The following HSDL1 variants were observed in gnomAD, a reference collection of about 807,000 sequenced individuals.
HSDL1 encodes inactive hydroxysteroid dehydrogenase-like protein 1.
In HSDL1, 29 loss-of-function variants were observed where a neutral mutation model predicts 31.5. The ratio of observed to expected loss-of-function variants is 0.92; its 90% confidence interval spans 0.69 to 1.26. HSDL1 has a LOEUF of 1.26. Ranked by LOEUF, HSDL1 falls within the 50% of genes most tolerant of loss-of-function variation. The pLI is 0.00. For missense variants in HSDL1, 503 were observed against 416.6 expected (o/e 1.21, Z -1.81); for synonymous variants, 222 against 155.2 (o/e 1.43, Z -3.20).
intron 2 of HSDL1, among the ~76,000 whole-genome samples, chr16:84,133,479 G>T (rs2086686292): frequency 6.6e-6 from 1 of 152,228 alleles, no homozygotes; most frequent in Non-Finnish European, 1.5e-5. Context: ...GGTGGCTCAT[G>T]CCTATAATCC....
At chr16:84,129,072 A>G (rs2086636013) in intron 5 of HSDL1, among the ~76,000 whole-genome samples, 1 of 152,140 alleles carries the variant, frequency 6.6e-6, no homozygotes, top group South Asian at 2.1e-4. Flanking sequence ...TTAAGGTAAT[A>G]ATTTCACAAA....
chr16:84,137,782 T>G (rs1391048692), intron 1 of HSDL1, among the ~76,000 whole-genome samples: 1 of 152,214 alleles, frequency 6.6e-6, no homozygotes, highest in Non-Finnish European at 1.5e-5. Context: ...GCCACCAAAT[T>G]TCAAAAGCTC....
At chr16:84,131,437 G>A (rs552223739) in intron 2 of HSDL1, 110 bp from the exon 3 acceptor site, 44 of 732,486 alleles carry the variant, frequency 6.0e-5, no homozygotes, top group South Asian at 2.0e-4. Context: ...TCAATTGTAC[G>A]TTCAAATAAC....
intron 2 of HSDL1, among the ~76,000 whole-genome samples, chr16:84,132,201 G>T (rs1294978090): frequency 6.6e-6 from 1 of 152,174 alleles, no homozygotes; most frequent in Admixed American, 6.5e-5. Context: ...AATTCATACA[G>T]CAGAGGTACA....
intron 1 of HSDL1, among the ~76,000 whole-genome samples, chr16:84,137,212 T>C (rs917260911): frequency 6.6e-6 from 1 of 152,000 alleles, no homozygotes; most frequent in Non-Finnish European, 1.5e-5. Flanking sequence ...GGTCTTGAAG[T>C]GTGAGCAGAA....
At chr16:84,133,344 A>T (rs1486865847) in intron 2 of HSDL1, among the ~76,000 whole-genome samples, 4 of 152,256 alleles carry the variant, frequency 2.6e-5, no homozygotes, top group Non-Finnish European at 5.9e-5. Flanking sequence ...CGATAAGGAA[A>T]CAATCTCTCT....
At chr16:84,135,230 C>G (rs915252441) in intron 2 of HSDL1, among the ~76,000 whole-genome samples, 12 of 148,100 alleles carry the variant, frequency 8.1e-5, no homozygotes, top group African/African-American at 3.0e-4. Flanking sequence ...GAGACTCCGT[C>G]TCAAAAAAGA....
intron 5 of HSDL1, among the ~76,000 whole-genome samples, chr16:84,126,486 C>G (rs537125622): frequency 4.8e-4 from 73 of 152,120 alleles, no homozygotes; most frequent in Middle Eastern, 3.4e-3. Flanking sequence ...AGGACGCTCC[C>G]CATGTCAAGG....
intron 5 of HSDL1, among the ~76,000 whole-genome samples, chr16:84,128,609 G>A (rs887155656): frequency 6.6e-6 from 1 of 151,952 alleles, no homozygotes. Flanking sequence ...ATTTTTCACT[G>A]AGAGGTAACC....
chr16:84,125,979 T>C (rs1336835959), intron 5 of HSDL1, among the ~76,000 whole-genome samples: 1 of 151,882 alleles, frequency 6.6e-6, no homozygotes, highest in African/African-American at 2.4e-5. Flanking sequence ...GGCGGGAGCC[T>C]GTAGTCCCAG....
chr16:84,125,877 G>A (rs1036888948), intron 5 of HSDL1, among the ~76,000 whole-genome samples: 2 of 152,216 alleles, frequency 1.3e-5, no homozygotes, highest in African/African-American at 2.4e-5. Flanking sequence ...GCCGAGGCGG[G>A]TGGATCATGA....
chr16:84,128,494 T>C lies in HSDL1; in HGVS notation c.894+1054A>G, dbSNP rs549449372. Among the ~76,000 whole-genome samples the C allele has an allele frequency of 9.3e-4, 142 of 152,294 alleles. 2 individuals are homozygous for C. Among genetic ancestry groups the C allele is most frequent in the Admixed American group, 2.5e-3 (38 of 15,288 alleles). ...CAATAAGCTTAAAATAAAAATTCTA[T>C]GCTTCTTGAAAAAATTAGTCTAAGA... On this transcript the variant is annotated intron_variant, in intron 5 of 5. Transcript: ENST00000219439.
rs529580895 is a variant in HSDL1 at position 84,138,380 on chromosome 16, C to G, written c.-68-2775G>C. Among the ~76,000 whole-genome samples, 10 of 152,254 alleles carry G rather than the reference C, an allele frequency of 6.6e-5. No homozygotes were observed. The South Asian group carries it at 1.0e-3, about 16-fold the overall frequency. ...ACTTTCAAATATAAAATGCATACGT[C>G]TGGAGAGCTAATGTACAGTACAGTG... On this transcript the variant is annotated intron_variant, in intron 1 of 5. Coordinates refer to ENST00000219439, the MANE Select transcript of HSDL1 (RefSeq NM_031463.5).
At chr16:84,143,181 G>A (rs1469699191) in intron 1 of HSDL1, among the ~76,000 whole-genome samples, 2 of 152,212 alleles carry the variant, frequency 1.3e-5, no homozygotes, top group Admixed American at 1.3e-4. Context: ...ACAACTGCCA[G>A]AAGGCAGAAA....
At chr16:84,134,741 C>T (rs2086697591) in intron 2 of HSDL1, among the ~76,000 whole-genome samples, 1 of 152,020 alleles carries the variant, frequency 6.6e-6, no homozygotes, top group African/African-American at 2.4e-5. Flanking sequence ...AAACACAAGG[C>T]CATGAGGAAA....
intron 1 of HSDL1, among the ~76,000 whole-genome samples, chr16:84,143,568 A>G (rs989135419): frequency 6.6e-5 from 10 of 152,172 alleles, no homozygotes; most frequent in African/African-American, 2.4e-4. Context: ...CTACTGAGTT[A>G]TACACTGTAA....
chr16:84,144,753 G>A (rs2086824126), intron 1 of HSDL1, among the ~76,000 whole-genome samples: 1 of 149,888 alleles, frequency 6.7e-6, no homozygotes. Flanking sequence ...AGGCCCGGGG[G>A]AAGAGAGAGA....
intron 5 of HSDL1, among the ~76,000 whole-genome samples, chr16:84,126,592 G>A (rs2086609025): frequency 6.6e-6 from 1 of 152,200 alleles, no homozygotes; most frequent in Non-Finnish European, 1.5e-5. Context: ...CTAACACCGT[G>A]TATACGAAAG....
Position 84,124,047 on chromosome 16 carries a change from GT to G in HSDL1, c.*582del, listed in dbSNP as rs2086579234. On this transcript the variant is annotated 3_prime_UTR_variant, in exon 6 of 6. Coordinates refer to ENST00000219439, the MANE Select transcript of HSDL1 (RefSeq NM_031463.5). ...TAAAAATATGGTAACCATAAATAAAGTTGCTCAAAGGCACCACACACACGCA... is the reference window on the plus strand; with the variant it reads ...TAAAAATATGGTAACCATAAATAAAGTGCTCAAAGGCACCACACACACGCA... The G allele has an allele frequency of 6.6e-6, 1 of 152,342 alleles. No individual in the cohort carries two copies. The highest frequency in any genetic ancestry group is 1.5e-5 in the Non-Finnish European group (1 of 68,232). 9.4% of individuals were successfully genotyped at this position (152,342 alleles called of 1,614,324 possible).
Sources: gnomAD v4.1 joint callset for allele counts (sites outside exome capture counted in the v4.1 genomes callset) on GRCh38, gnomAD v4.1.1 for gene constraint, MANE v1.5 for transcripts, NCBI Gene and HGNC (gene_info 2026-07-23, HGNC 2026-07-21) for gene names.